The following PRKAR1B variants were observed in gnomAD, a reference collection of about 807,000 sequenced individuals.
The protein encoded by PRKAR1B is cAMP-dependent protein kinase type I-beta regulatory subunit.
PRKAR1B carries 22 observed loss-of-function variants against 46.5 expected under a neutral mutation model. That is an observed-to-expected ratio of 0.47 (90% CI 0.34 to 0.68). The LOEUF is 0.68. Among genes scored for constraint, PRKAR1B ranks in the 30% least tolerant of loss-of-function variants. The pLI is 0.01. For synonymous variants in PRKAR1B, 259 were observed against 217.7 expected, an observed-to-expected ratio of 1.19 and a Z score of -1.67; for missense variants, 445 against 535.6, an observed-to-expected ratio of 0.83 and a Z score of 1.67.
rs776198627 is a variant in PRKAR1B, at chr7:550,456, T to G, written c.1120A>C (p.Asn374His). 4.4e-6 allele frequency: 7 copies of G among 1,595,934 alleles called. No individual in the cohort carries two copies. Among genetic ancestry groups the G allele is most frequent in the South Asian group, 1.1e-5 (1 of 87,980 alleles). The stretch of plus-strand genomic sequence containing the variant: ...CAGACGGTGAGGGAGATGAAGCTGT[T>G]GTAACGCTGAATGTTCCTCTTGAGG... ...EILKRNIQRYNSFISLTV is the reference protein window; with the variant it reads ...EILKRNIQRYHSFISLTV The change falls in exon 11 of 11, where the codon AAC becomes CAC. Residue 374 changes from asparagine (N) to histidine (H), a missense_variant. This residue lies in a region of PRKAR1B where 127 missense variants were observed against 138.0 expected (regional missense o/e 0.92). Coordinates refer to ENST00000537384, the MANE Select transcript of PRKAR1B (RefSeq NM_001164760.2).
chr7:583,711 C>T (rs1780425722), intron 8 of PRKAR1B, among the ~76,000 whole-genome samples: 1 of 151,128 alleles, frequency 6.6e-6, no homozygotes, highest in Non-Finnish European at 1.5e-5. Flanking sequence ...CACACACGTG[C>T]AATTCACACG....
rs186825036 is a variant in PRKAR1B, at chr7:584,574, C to G, written c.709-6G>C. 26 of 1,612,626 alleles carry G rather than the reference C, an allele frequency of 1.6e-5. No individual in the cohort carries two copies. Among genetic ancestry groups the G allele is most frequent in the Non-Finnish European group, 2.0e-5 (23 of 1,179,346 alleles). ...CGTTTCCTCAGCGTGCTGCCCTGTT[C>G]GGGAGAAAGTAAAAAACAGACAAGA... On this transcript the variant is annotated splice_polypyrimidine_tract_variant and splice_region_variant and intron_variant, in intron 7 of 10. Coordinates refer to ENST00000537384, the MANE Select transcript of PRKAR1B (RefSeq NM_001164760.2).
chr7:705,679 A>C (rs1780286055), intron 2 of PRKAR1B, among the ~76,000 whole-genome samples: 1 of 152,186 alleles, frequency 6.6e-6, no homozygotes, highest in African/African-American at 2.4e-5. Context: ...GCTGCAATCC[A>C]TCTATGCAAC....
intron 4 of PRKAR1B, among the ~76,000 whole-genome samples, chr7:662,927 T>G (rs1234569047): frequency 6.6e-6 from 1 of 152,142 alleles, no homozygotes; most frequent in African/African-American, 2.4e-5. Flanking sequence ...TTCATCACCC[T>G]CTTCCTTCCT....
In PRKAR1B at chr7:553,306, G is replaced by A. The variant is rs112527567; in HGVS notation, c.892-1836C>T. 3.9e-3 allele frequency among the ~76,000 whole-genome samples: 598 copies of A among 152,288 alleles called. 4 individuals are homozygous for A. The highest frequency in any genetic ancestry group is 0.014 in the African/African-American group (563 of 41,564). On this transcript the variant is annotated intron_variant, in intron 9 of 10. Transcript: ENST00000537384. Reference sequence around the variant, plus strand: ...AGGTGTTGATGAATGTAGCTCTGTCGCCGGCCCTGCACGCCGCCGGCCTCA... The same window carrying A: ...AGGTGTTGATGAATGTAGCTCTGTCACCGGCCCTGCACGCCGCCGGCCTCA...
At chr7:570,183 C>T (rs544938148) in intron 9 of PRKAR1B, among the ~76,000 whole-genome samples, 4 of 152,174 alleles carry the variant, frequency 2.6e-5, no homozygotes, top group Admixed American at 6.5e-5. Flanking sequence ...GACGCGCGGC[C>T]GGTGCAGGTT....
At position 727,260 on chromosome 7, in the gene PRKAR1B, C is replaced by G; in HGVS notation, c.-73G>C. 1 of 1,331,894 alleles carries G rather than the reference C, an allele frequency of 7.5e-7. No individual in the cohort carries two copies. The highest frequency in any genetic ancestry group is 2.8e-4 in the Middle Eastern group (1 of 3,532). 82.5% of individuals were successfully genotyped at this position (1,331,894 alleles called of 1,614,324 possible). ...GCTGCTCCCTGCTCGACCCCTTCGC[C>G]GCCGTGCGCCGCGAGAGCTGCAGCT... On this transcript the variant is annotated 5_prime_UTR_variant, in exon 1 of 11. Transcript: ENST00000537384.
intron 7 of PRKAR1B, among the ~76,000 whole-genome samples, chr7:595,357 C>T (rs2128456271): frequency 6.6e-6 from 1 of 152,350 alleles, no homozygotes; most frequent in South Asian, 2.1e-4. Context: ...CTGCCTCCAC[C>T]TGCTTCTCGG....
intron 2 of PRKAR1B, among the ~76,000 whole-genome samples, chr7:697,812 TACTGAGC>T (rs1203687528): frequency 6.7e-6 from 1 of 148,920 alleles, no homozygotes; most frequent in African/African-American, 2.5e-5. Context: ...TTCAATCATT[TACTGAGC>T]ACCTATTGTG....
Position 714,735 on chromosome 7 carries a change from G to A in PRKAR1B, c.-22-3208C>T, listed in dbSNP as rs538801490. ...TTACTGGCTTGAGCCAAGGACAGAC[G>A]CTTCCTTAGTGTCCTGCTCACTGTC... On this transcript the variant is annotated intron_variant, in intron 1 of 10. Transcript: ENST00000537384. The surrounding 1 kb of genome is among the most constrained non-coding windows in gnomAD (Gnocchi z 4.3). 1.2e-4 allele frequency among the ~76,000 whole-genome samples: 19 copies of A among 152,352 alleles called. No homozygotes were observed. Among genetic ancestry groups the A allele is most frequent in the East Asian group, 3.9e-4 (2 of 5,184 alleles).
At chr7:585,763 C>T (rs553826239) in intron 7 of PRKAR1B, among the ~76,000 whole-genome samples, 113 of 152,236 alleles carry the variant, frequency 7.4e-4, no homozygotes, top group African/African-American at 2.3e-3. Flanking sequence ...CTCCGCAGGG[C>T]TGAGTGACCA....
intron 2 of PRKAR1B, among the ~76,000 whole-genome samples, chr7:689,441 A>T (rs1779287686): frequency 6.6e-6 from 1 of 152,126 alleles, no homozygotes; most frequent in African/African-American, 2.4e-5. Context: ...AGCCAAATGG[A>T]AATGCTAGAA....
intron 7 of PRKAR1B, among the ~76,000 whole-genome samples, chr7:592,235 C>T (rs568707911): frequency 1.1e-4 from 16 of 152,360 alleles, no homozygotes; most frequent in Middle Eastern, 3.4e-3. Flanking sequence ...CGGGCCCTCC[C>T]GGCTGCCGTG....
In PRKAR1B at chr7:550,354, TCCCGGGC is replaced by T; in HGVS notation, c.*69_*75del. On this transcript the variant is annotated 3_prime_UTR_variant, in exon 11 of 11. Transcript: ENST00000537384. ...CCCGGCCCACACCTCACACAGCGGC[TCCCGGGC>T]CCCCGACACAGACGAGCAGGGCACG... 2 of 1,417,066 alleles carry T rather than the reference TCCCGGGC, an allele frequency of 1.4e-6. No homozygotes were observed. Among genetic ancestry groups the T allele is most frequent in the East Asian group, 5.0e-5 (2 of 40,000 alleles). 87.8% of individuals were successfully genotyped at this position (1,417,066 alleles called of 1,614,324 possible).
At chr7:694,706 C>T (rs1779630022) in intron 2 of PRKAR1B, among the ~76,000 whole-genome samples, 1 of 152,068 alleles carries the variant, frequency 6.6e-6, no homozygotes. Context: ...TCGTTACTGC[C>T]CCCATCTCAG....
intron 9 of PRKAR1B, among the ~76,000 whole-genome samples, chr7:555,798 C>T (rs1778390048): frequency 6.6e-6 from 1 of 152,242 alleles, no homozygotes; most frequent in Non-Finnish European, 1.5e-5. Flanking sequence ...TACCCGAAGG[C>T]TGCAGTCACC....
intron 9 of PRKAR1B, among the ~76,000 whole-genome samples, chr7:571,378 C>T (rs1562527098): frequency 2.6e-5 from 4 of 152,158 alleles, no homozygotes; most frequent in African/African-American, 9.7e-5. Flanking sequence ...CATCCAGCAG[C>T]GACCCGTGGA....
Position 599,375 on chromosome 7 carries a change from G to T in PRKAR1B, c.550-3071C>A, listed in dbSNP as rs374040645. On this transcript the variant is annotated intron_variant, in intron 6 of 10. Transcript: ENST00000537384. ...TGCAATGGTGCGATCTCGGCTCACC[G>T]CAACCTCTGCCTCCCAGGTTCAAGC... 1.6e-3 allele frequency among the ~76,000 whole-genome samples: 240 copies of T among 151,522 alleles called. 2 individuals carry two copies. The highest frequency in any genetic ancestry group is 5.6e-3 in the African/African-American group (231 of 41,246).
At chr7:693,990 G>A (rs1021631398) in intron 2 of PRKAR1B, among the ~76,000 whole-genome samples, 5 of 152,134 alleles carry the variant, frequency 3.3e-5, no homozygotes, top group South Asian at 4.1e-4. Flanking sequence ...CGATAACCGC[G>A]AGACCTGGAC....
Sources: gnomAD v4.1 joint callset for allele counts (sites outside exome capture counted in the v4.1 genomes callset) on GRCh38, gnomAD v4.1.1 for gene constraint, gnomAD v4.1.1 regional missense constraint, Gnocchi (gnomAD v3.1) non-coding constraint, MANE v1.5 for transcripts, NCBI Gene and HGNC (gene_info 2026-07-23, HGNC 2026-07-21) for gene names.